Variants in PIWIL2 observed in about 807,000 individuals in gnomAD.
The protein encoded by PIWIL2 is piwi-like protein 2.
A neutral mutation model predicts 116.5 loss-of-function variants in PIWIL2; 81 were observed. The ratio of observed to expected loss-of-function variants is 0.70; its 90% CI spans 0.58 to 0.84. The LOEUF (loss-of-function observed/expected upper bound fraction) is 0.84, where lower values mean the gene tolerates loss of function less well. Among genes scored for constraint, PIWIL2 ranks in the 40% least tolerant of loss-of-function variants. The pLI is 0.00. For missense variants in PIWIL2, 1,272 were observed against 1,212.3 expected, an observed-to-expected ratio of 1.05 and a Z score of -0.73; for synonymous variants, 489 against 429.5, an observed-to-expected ratio of 1.14 and a Z score of -1.71.
chr8:22,318,095 CAT>C (rs1831507921), intron 19 of PIWIL2, 73 bp from the exon 20 acceptor site: 2 of 858,770 alleles, frequency 2.3e-6, no homozygotes. Flanking sequence ...GTGTTACTGA[CAT>C]AAGCCATAGG....
Position 22,305,926 on chromosome 8 carries a change from G to C in PIWIL2, c.1456-1G>C. On this transcript the variant is annotated splice_acceptor_variant, in intron 12 of 22. Coordinates refer to ENST00000356766, the MANE Select transcript of PIWIL2 (RefSeq NM_018068.5). LOFTEE classifies it high-confidence loss of function. ...TTTCCCTCTTCGTTCTCTCTTCAAA[G>C]CTGCTAAAAGGGGAAATCCTGCTGC... The C allele has an allele frequency of 1.2e-6, 2 of 1,612,408 alleles. No individual in the cohort carries two copies. Among genetic ancestry groups the C allele is most frequent in the South Asian group, 2.2e-5 (2 of 91,052 alleles).
chr8:22,287,595 G>T lies in PIWIL2; in HGVS notation c.811G>T (p.Val271Phe). Residue 271 changes from valine (V) to phenylalanine (F), a missense_variant, in exon 7 of 23, where the codon GTC (valine) becomes TTC (phenylalanine). By Grantham distance (50) the Val-to-Phe change is conservative. Transcript: ENST00000356766. ...LKDHQAVTGN[V>F]TAFDGSILYL... ...GGACCATCAAGCTGTCACCGGCAACGTCACTGCGTTTGATGGATCTATTCT... is the reference window on the plus strand; with the variant it reads ...GGACCATCAAGCTGTCACCGGCAACTTCACTGCGTTTGATGGATCTATTCT... 1 of 1,613,772 alleles carries T rather than the reference G, an allele frequency of 6.2e-7. No homozygotes were observed. The highest frequency in any genetic ancestry group is 8.5e-7 in the Non-Finnish European group (1 of 1,179,646).
At chr8:22,310,571 A>G (rs893192657) in intron 15 of PIWIL2, among the ~76,000 whole-genome samples, 3 of 152,230 alleles carry the variant, frequency 2.0e-5, no homozygotes, top group Non-Finnish European at 4.4e-5. Context: ...TAAATGTTTT[A>G]TTGAAATATA....
At chr8:22,328,999 G>A (rs1831796896) in intron 20 of PIWIL2, among the ~76,000 whole-genome samples, 1 of 151,254 alleles carries the variant, frequency 6.6e-6, no homozygotes, top group Non-Finnish European at 1.5e-5. Flanking sequence ...TTCTATTATG[G>A]TATTGAATAG....
At chr8:22,282,271 T>TTG (rs1830526162) in intron 4 of PIWIL2, among the ~76,000 whole-genome samples, 1 of 85,732 alleles carries the variant, frequency 1.2e-5, no homozygotes, top group South Asian at 4.8e-4. Flanking sequence ...TTTTTTTTTT[T>TTG]GGAGACAGTC....
At chr8:22,345,452 G>A (rs1832205058) in intron 20 of PIWIL2, among the ~76,000 whole-genome samples, 1 of 152,148 alleles carries the variant, frequency 6.6e-6, no homozygotes, top group Non-Finnish European at 1.5e-5. Context: ...CTTGAGGCCA[G>A]GGATTTGAGA....
chr8:22,309,363 C>CA (rs1285369024), intron 14 of PIWIL2, among the ~76,000 whole-genome samples: 2 of 152,034 alleles, frequency 1.3e-5, no homozygotes, highest in East Asian at 3.9e-4. Flanking sequence ...TTTTTTGAGA[C>CA]AGAGTCTTGC....
chr8:22,315,175 C>T, intron 18 of PIWIL2, 30 bp downstream of exon 18: 1 of 1,206,284 alleles, frequency 8.3e-7, no homozygotes, highest in East Asian at 2.3e-5. Flanking sequence ...TTCAGTTTGC[C>T]TCTCCAGAGA....
rs1048275981 is a variant in PIWIL2 at position 22,355,800 on chromosome 8, G to A, written c.*295G>A. 3 of 349,696 alleles carry A rather than the reference G, an allele frequency of 8.6e-6. No individual in the cohort carries two copies. The highest frequency in any genetic ancestry group is 1.6e-5 in the Non-Finnish European group (3 of 183,484). 21.7% of individuals were successfully genotyped at this position (349,696 alleles called of 1,614,324 possible). On this transcript the variant is annotated 3_prime_UTR_variant, in exon 23 of 23. Coordinates refer to ENST00000356766, the MANE Select transcript of PIWIL2 (RefSeq NM_018068.5). ...GACCATTAAGACCTCCAGACCGGGTGCGGTGGTTCACACCTGTAATCCAAG... is the reference window on the plus strand; with the variant it reads ...GACCATTAAGACCTCCAGACCGGGTACGGTGGTTCACACCTGTAATCCAAG...
At chr8:22,309,873 G>A (rs79513486) in intron 14 of PIWIL2, 88 bp from the exon 15 acceptor site, 3 of 722,198 alleles carry the variant, frequency 4.2e-6, no homozygotes, top group South Asian at 3.5e-5. Context: ...CTGTGGTGGA[G>A]CTGAGCAGGC....
chr8:22,289,602 C>T (rs915933977), intron 8 of PIWIL2, among the ~76,000 whole-genome samples: 2 of 152,190 alleles, frequency 1.3e-5, no homozygotes, highest in African/African-American at 4.8e-5. Context: ...TGGAAACCAA[C>T]TCAGTGTTTG....
chr8:22,302,265 ACT>A (rs1474107758), intron 10 of PIWIL2, among the ~76,000 whole-genome samples: 7 of 151,532 alleles, frequency 4.6e-5, no homozygotes, highest in Non-Finnish European at 2.9e-5. Context: ...CACTGCAATC[ACT>A]GCTTCCCGGG....
chr8:22,329,636 A>AT (rs1831812125), intron 20 of PIWIL2, among the ~76,000 whole-genome samples: 1 of 152,234 alleles, frequency 6.6e-6, no homozygotes, highest in African/African-American at 2.4e-5. Context: ...CCCCACCTCC[A>AT]GTATTGGGAA....
At chr8:22,301,339 C>G (rs1176979931) in intron 10 of PIWIL2, among the ~76,000 whole-genome samples, 2 of 151,902 alleles carry the variant, frequency 1.3e-5, no homozygotes, top group Non-Finnish European at 2.9e-5. Flanking sequence ...CGCTCTTTCA[C>G]CCAGGATGGA....
At position 22,283,251 on chromosome 8, in the gene PIWIL2, A is replaced by C; in HGVS notation, c.632+11A>C. ...GGAACACAAGGAAAAGTAAGTCAGG[A>C]GCACTGCCTTCTCTACTTAGTAATG... On this transcript the variant is annotated intron_variant, in intron 5 of 22. Coordinates refer to ENST00000356766, the MANE Select transcript of PIWIL2 (RefSeq NM_018068.5). 6.3e-7 allele frequency: 1 copy of C among 1,586,768 alleles called. No individual in the cohort carries two copies. Among genetic ancestry groups the C allele is most frequent in the South Asian group, 1.1e-5 (1 of 90,510 alleles).
chr8:22,287,496 G>A, intron 6 of PIWIL2, 32 bp from the exon 7 acceptor site: 1 of 1,423,664 alleles, frequency 7.0e-7, no homozygotes, highest in Non-Finnish European at 9.9e-7. Flanking sequence ...TTTGAGTCAA[G>A]TTAAAGGAAA....
At chr8:22,312,242 G>A (rs1344379456) in intron 16 of PIWIL2, among the ~76,000 whole-genome samples, 2 of 149,212 alleles carry the variant, frequency 1.3e-5, no homozygotes, top group African/African-American at 2.5e-5. Flanking sequence ...TCCAACCTGG[G>A]CAACAGAGTG....
intron 20 of PIWIL2, among the ~76,000 whole-genome samples, chr8:22,346,477 GC>G (rs1832229542): frequency 6.6e-6 from 1 of 152,120 alleles, no homozygotes; most frequent in Non-Finnish European, 1.5e-5. Flanking sequence ...ATTTTGCCCA[GC>G]TTTTCCAGTT....
intron 20 of PIWIL2, among the ~76,000 whole-genome samples, chr8:22,330,486 CAG>C (rs1362608824): frequency 6.6e-6 from 1 of 151,150 alleles, no homozygotes; most frequent in Non-Finnish European, 1.5e-5. Context: ...ATCACGAGGT[CAG>C]GGGTTCGAGA....
Sources: gnomAD v4.1 joint callset for allele counts (sites outside exome capture counted in the v4.1 genomes callset) on GRCh38, gnomAD v4.1.1 for gene constraint, MANE v1.5 for transcripts, NCBI Gene and HGNC (gene_info 2026-07-23, HGNC 2026-07-21) for gene names.